RP1: variants seen among roughly 807,000 people sequenced by gnomAD.
RP1 encodes the protein RP1 axonemal microtubule associated, also known as oxygen-regulated protein 1.
Under a neutral mutation model 14.8 loss-of-function variants are expected in RP1, and 16 were observed. That is an observed-to-expected ratio of 1.08 (90% CI 0.73 to 1.65). The LOEUF (loss-of-function observed/expected upper bound fraction) is 1.65. Ranked by LOEUF, RP1 falls within the 40% of genes most tolerant of loss-of-function variation. The probability of loss-of-function intolerance (pLI) is 0.00; values close to 1 mark genes in which losing one functional copy is unlikely to be tolerated. For synonymous variants in RP1, 876 were observed against 883.6 expected, an observed-to-expected ratio of 0.99 and a Z score of 0.15; for missense variants, 2,631 against 2,535.0, an observed-to-expected ratio of 1.04 and a Z score of -0.81.
At position 54,642,246 on chromosome 8, in the gene RP1, C is replaced by T. The variant is rs187777308; in HGVS notation, c.788-6739C>T. ...TTTGAAAGAATTTAGGCACAAAGTT[C>T]CTATATGCTGATACTCCTAAAGAAC... On this transcript the variant is annotated intron_variant, in intron 3 of 22. Coordinates refer to the RP1 transcript ENST00000636932. Among the ~76,000 whole-genome samples the T allele has an allele frequency of 3.3e-3, 494 of 151,970 alleles. 2 individuals are homozygous for T. The highest frequency in any genetic ancestry group is 4.4e-3 in the Non-Finnish European group (301 of 67,924).
intron 1 of RP1, among the ~76,000 whole-genome samples, chr8:54,565,535 C>T (rs1804384028): frequency 6.6e-6 from 1 of 152,110 alleles, no homozygotes; most frequent in African/African-American, 2.4e-5. Context: ...TGGCCCAAAG[C>T]CCTTTATACT....
intron 24 of RP1, among the ~76,000 whole-genome samples, chr8:54,793,050 A>G (rs959498520): frequency 6.6e-6 from 1 of 151,894 alleles, no homozygotes; most frequent in Non-Finnish European, 1.5e-5. Flanking sequence ...AGAGACTGCT[A>G]TGAACTATTA....
chr8:54,857,027 G>C lies in RP1; in HGVS notation c.3991-1G>C, dbSNP rs1812219486. The C allele has an allele frequency of 8.9e-7, 1 of 1,124,978 alleles. No individual in the cohort carries two copies. Among genetic ancestry groups the C allele is most frequent in the Non-Finnish European group, 1.1e-6 (1 of 892,178 alleles). The allele number at this position is 1,124,978 out of a possible 1,614,324, so 69.7% of individuals were successfully genotyped here. On this transcript the variant is annotated splice_acceptor_variant, in intron 26 of 28. Transcript: ENST00000637698. LOFTEE classifies it high-confidence loss of function. Reference sequence around the variant, plus strand: ...ACTGAGTTTATTTCTTTATTGTACAGGTTGATATTTTTTCCATTAAGGCTG... The same window carrying C: ...ACTGAGTTTATTTCTTTATTGTACACGTTGATATTTTTTCCATTAAGGCTG...
chr8:54,628,994 T>G lies in RP1; in HGVS notation c.5112T>G (p.Cys1704Trp). The G allele has an allele frequency of 6.2e-7, 1 of 1,614,040 alleles. No homozygotes were observed. The highest frequency in any genetic ancestry group is 8.5e-7 in the Non-Finnish European group (1 of 1,179,962). Residue 1704 changes from cysteine (C) to tryptophan (W), a missense_variant, in exon 4 of 4, where the codon TGT (cysteine) becomes TGG (tryptophan). Coordinates refer to ENST00000220676, the MANE Select transcript of RP1 (RefSeq NM_006269.2). ...TCCAGGAGGAAAGACAAGATAAGTG[T>G]GATGTTAGTGCTGTGAGGGACAATT... ...QEFQEERQDK[C>W]DVSAVRDNYC...
At chr8:54,739,011 C>A (rs1018277430) in exon 19 of RP1, 1 of 1,530,806 alleles carries the variant, frequency 6.5e-7, no homozygotes. Context: ...GTGAGCAACC[C>A]GAGTGGAACT....
At chr8:54,735,557 T>G (rs1053448405) in intron 18 of RP1, among the ~76,000 whole-genome samples, 1 of 152,126 alleles carries the variant, frequency 6.6e-6, no homozygotes, top group African/African-American at 2.4e-5. Context: ...CCAAGGCTAT[T>G]TGGGGCTACA....
downstream of RP1, among the ~76,000 whole-genome samples, chr8:54,632,656 G>GT (rs1236291105): frequency 1.3e-5 from 2 of 152,098 alleles, no homozygotes; most frequent in African/African-American, 2.4e-5. Flanking sequence ...ATAGAACTCA[G>GT]TTTTTTGTAT....
chr8:54,595,372 G>A (rs186692516), intron 1 of RP1, among the ~76,000 whole-genome samples: 1 of 151,868 alleles, frequency 6.6e-6, no homozygotes, highest in East Asian at 1.9e-4. Flanking sequence ...CTCGTGATCC[G>A]CCCGCCTCAG....
intron 22 of RP1, among the ~76,000 whole-genome samples, chr8:54,759,888 T>C (rs1438695203): frequency 1.3e-5 from 2 of 152,140 alleles, no homozygotes; most frequent in Non-Finnish European, 2.9e-5. Flanking sequence ...TTTTGAAAAT[T>C]TGAATCTTCA....
rs376680437 is a variant in RP1 at position 54,858,405 on chromosome 8, T to C, written c.4069+1299T>C. On this transcript the variant is annotated intron_variant, in intron 27 of 28. Coordinates refer to the RP1 transcript ENST00000637698. Reference sequence around the variant, plus strand: ...GTAAGGTGGTGTCACTGTAGAGCAATGCCACTGTAGAGTGATGTTACTGCA... The same window carrying C: ...GTAAGGTGGTGTCACTGTAGAGCAACGCCACTGTAGAGTGATGTTACTGCA... 3.7e-4 allele frequency among the ~76,000 whole-genome samples: 56 copies of C among 152,218 alleles called. 1 individual carries two copies. In the South Asian group the frequency reaches 9.1e-3, roughly 25 times the overall value.
chr8:54,602,184 C>A (rs1805307995), intron 1 of RP1, among the ~76,000 whole-genome samples: 1 of 152,194 alleles, frequency 6.6e-6, no homozygotes, highest in Non-Finnish European at 1.5e-5. Flanking sequence ...TATCCCTCCC[C>A]TCTTCCCCCA....
chr8:54,850,817 C>T (rs1256333515), intron 25 of RP1, among the ~76,000 whole-genome samples: 1 of 152,118 alleles, frequency 6.6e-6, no homozygotes, highest in African/African-American at 2.4e-5. Flanking sequence ...CTTAGTGAAT[C>T]ATATTATGTA....
In RP1 at chr8:54,630,264, T is replaced by A; in HGVS notation, c.6382T>A (p.Phe2128Ile). The change falls in exon 4 of 4, where the codon TTT becomes ATT. Residue 2128 changes from phenylalanine to isoleucine, a missense_variant. Coordinates refer to ENST00000220676, the MANE Select transcript of RP1 (RefSeq NM_006269.2). ...SNRNILELCM[F>I]EGENLFIWEE... ...CAGAAATATTTTAGAACTTTGTATG[T>A]TTGAGGGTGAAAATCTTTTCATTTG... 6.2e-7 allele frequency: 1 copy of A among 1,613,678 alleles called. No individual in the cohort carries two copies. The highest frequency in any genetic ancestry group is 8.5e-7 in the Non-Finnish European group (1 of 1,179,838).
chr8:54,701,659 C>T (rs1808023417), exon 14 of RP1: 1 of 1,534,412 alleles, frequency 6.5e-7, no homozygotes, highest in East Asian at 2.4e-5. Context: ...TGATTTTTGT[C>T]AAGGTAAAAT....
chr8:54,778,556 C>A (rs901380579), intron 23 of RP1, among the ~76,000 whole-genome samples: 2 of 152,060 alleles, frequency 1.3e-5, no homozygotes, highest in Non-Finnish European at 2.9e-5. Flanking sequence ...AACTCCTGAC[C>A]TTGTGATCCG....
chr8:54,780,160 A>G (rs1280302863), intron 23 of RP1, among the ~76,000 whole-genome samples: 3 of 152,238 alleles, frequency 2.0e-5, no homozygotes, highest in African/African-American at 7.2e-5. Flanking sequence ...CTGTTGTTGT[A>G]GTGTGAAAAC....
intron 25 of RP1, among the ~76,000 whole-genome samples, chr8:54,845,329 C>A (rs1233495546): frequency 6.6e-6 from 1 of 152,168 alleles, no homozygotes; most frequent in African/African-American, 2.4e-5. Flanking sequence ...TGGCGACTAG[C>A]AGAGTACGGT....
At chr8:54,680,196 G>A (rs931353612) in intron 12 of RP1, among the ~76,000 whole-genome samples, 1 of 152,124 alleles carries the variant, frequency 6.6e-6, no homozygotes, top group Non-Finnish European at 1.5e-5. Context: ...AAAACACCAT[G>A]TTAAATAATT....
chr8:54,804,787 A>G (rs1049939330), intron 24 of RP1, among the ~76,000 whole-genome samples: 4 of 152,252 alleles, frequency 2.6e-5, no homozygotes, highest in Non-Finnish European at 5.9e-5. Context: ...CATATAAGAG[A>G]TTTTAATATA....
Sources: allele counts gnomAD v4.1 joint callset (sites outside exome capture counted in the v4.1 genomes callset), GRCh38; gene constraint gnomAD v4.1.1; transcripts MANE v1.5; gene names NCBI Gene and HGNC (gene_info 2026-07-23, HGNC 2026-07-21).